Variants in SLC26A9 observed in about 807,000 individuals in gnomAD.
SLC26A9 encodes anion transporter/exchanger protein 9.
In SLC26A9, 46 loss-of-function variants were observed where a neutral mutation model predicts 87.1. The ratio of observed to expected loss-of-function variants is 0.53; its 90% CI spans 0.42 to 0.67. SLC26A9 has a LOEUF of 0.67. Among genes scored for constraint, SLC26A9 ranks in the 30% least tolerant of loss-of-function variants. SLC26A9 has a pLI of 0.00. For synonymous variants in SLC26A9, 437 were observed against 409.1 expected (o/e 1.07, Z -0.82); for missense variants, 927 against 1,018.3 (o/e 0.91, Z 1.22).
Position 205,923,627 on chromosome 1 carries a change from G to A in SLC26A9, c.1497-14C>T, listed in dbSNP as rs771337508. 1.4e-5 allele frequency: 23 copies of A among 1,614,032 alleles called. No homozygotes were observed. Among genetic ancestry groups the A allele is most frequent in the Non-Finnish European group, 5.9e-6 (7 of 1,180,032 alleles). On this transcript the variant is annotated splice_polypyrimidine_tract_variant and intron_variant, in intron 13 of 20. Transcript: ENST00000367135. ...TAGCCATTTCGACTGGATGAAGCAG[G>A]AAGAGAAAAACATAAGAGAATGCTA...
chr1:205,923,324 C>G lies in SLC26A9; in HGVS notation c.1659+11G>C, dbSNP rs1317068978. On this transcript the variant is annotated intron_variant, in intron 15 of 20. Coordinates refer to ENST00000367135, the MANE Select transcript of SLC26A9 (RefSeq NM_052934.4). ...GTCCAGAGCCTCTGGTCGCCAGGGA[C>G]TGAGCCTTACCTTGGCGATGACCTT... The G allele has an allele frequency of 2.5e-6, 4 of 1,614,018 alleles. No homozygotes were observed. The Admixed American group carries it at 6.7e-5, about 27-fold the overall frequency.
intron 13 of SLC26A9, 43 bp from the exon 14 acceptor site, chr1:205,923,656 G>T: frequency 1.2e-6 from 2 of 1,611,728 alleles, no homozygotes; most frequent in Non-Finnish European, 1.7e-6. Context: ...AATGCTAATG[G>T]CACATGGGCC....
In SLC26A9 at chr1:205,941,391, C is replaced by T. The variant is rs376073311; in HGVS notation, c.-19+1974G>A. Among the ~76,000 whole-genome samples the T allele has an allele frequency of 7.5e-4, 114 of 152,170 alleles. 2 individuals are homozygous for T. In the South Asian group the frequency reaches 0.018, roughly 24 times the overall value. ...TTCGCCATGTTGGCCAGCCTGGTCT[C>T]GAACTCCTGACCTCAAGTGATCTGC... On this transcript the variant is annotated intron_variant, in intron 1 of 20. Transcript: ENST00000367135.
At chr1:205,921,193 C>G (rs6674855) in intron 17 of SLC26A9, among the ~76,000 whole-genome samples, 4 of 152,140 alleles carry the variant, frequency 2.6e-5, no homozygotes, top group African/African-American at 7.2e-5. Context: ...CTAGGGTGGC[C>G]GGTGAATGAG....
At position 205,932,943 on chromosome 1, in the gene SLC26A9, A is replaced by C; in HGVS notation, c.265+2T>G. The C allele has an allele frequency of 1.2e-6, 2 of 1,613,898 alleles. No individual in the cohort carries two copies. Among genetic ancestry groups the C allele is most frequent in the Non-Finnish European group, 1.7e-6 (2 of 1,179,908 alleles). ...CAGGCCTGGCTGAAGGAGCCCCTTC[A>C]CCTTGTGGGACCTGGATGGATCCCC... is the stretch of plus-strand genomic sequence containing the variant. On this transcript the variant is annotated splice_donor_variant, in intron 3 of 20. Transcript: ENST00000367135. LOFTEE classifies it high-confidence loss of function.
At chr1:205,936,846 C>T (rs1343377122) in intron 1 of SLC26A9, among the ~76,000 whole-genome samples, 1 of 152,108 alleles carries the variant, frequency 6.6e-6, no homozygotes, top group East Asian at 1.9e-4. Context: ...CCCCAACTTC[C>T]CAGAGGAGAG....
chr1:205,937,730 A>G (rs930186970), intron 1 of SLC26A9, among the ~76,000 whole-genome samples: 1 of 152,144 alleles, frequency 6.6e-6, no homozygotes, highest in Admixed American at 6.5e-5. Flanking sequence ...CACCTGCTCC[A>G]GAGTCTGCAT....
intron 20 of SLC26A9, 96 bp downstream of exon 20, chr1:205,917,187 G>A: frequency 8.3e-7 from 1 of 1,208,936 alleles, no homozygotes; most frequent in Non-Finnish European, 1.2e-6. Flanking sequence ...TGGGCTGGAG[G>A]TGAGACAGCT....
chr1:205,923,347 C>A lies in SLC26A9; in HGVS notation c.1647G>T (p.Lys549Asn). The change falls in exon 15 of 21, where the codon AAG (lysine) becomes AAT (asparagine). Residue 549 changes from lysine to asparagine, a missense_variant. Lys to Asn is a moderately conservative substitution (Grantham distance 94, BLOSUM62 0). Coordinates refer to ENST00000367135, the MANE Select transcript of SLC26A9 (RefSeq NM_052934.4). ...GACTGAGCCTTACCTTGGCGATGAC[C>A]TTTTGCCTGAAGATCTCTGAGTTGG... ...YFANSEIFRQ[K>N]VIAKTGMDPQ... 1.9e-6 allele frequency: 3 copies of A among 1,614,172 alleles called. No homozygotes were observed. Among genetic ancestry groups the A allele is most frequent in the Non-Finnish European group, 1.7e-6 (2 of 1,180,022 alleles).
At position 205,924,309 on chromosome 1, in the gene SLC26A9, G is replaced by C. The variant is rs1406143989; in HGVS notation, c.1496+74C>G. On this transcript the variant is annotated intron_variant, in intron 13 of 20. Transcript: ENST00000367135. ...AAGGTACAGTGGACTAAGCCAGGCC[G>C]TGGCATGGAAGCCCTTTGCGGGCTG... The C allele has an allele frequency of 3.6e-6, 5 of 1,396,242 alleles. No individual in the cohort carries two copies. In the Admixed American group the frequency reaches 5.1e-5, roughly 14 times the overall value. The allele number at this position is 1,396,242 out of a possible 1,614,324, so 86.5% of individuals were successfully genotyped here.
At chr1:205,921,899 AC>A (rs1462474807) in intron 16 of SLC26A9, 52 bp from the exon 17 acceptor site, 2 of 1,565,578 alleles carry the variant, frequency 1.3e-6, no homozygotes, top group African/African-American at 1.3e-5. Context: ...ACTGAGCCAG[AC>A]CTTGCTGTGA....
In SLC26A9 at chr1:205,927,508, G is replaced by A. The variant is rs1216885724; in HGVS notation, c.1199C>T (p.Ala400Val). The change falls in exon 10 of 21, where the codon GCT becomes GTT. Residue 400 changes from alanine (A) to valine (V), a missense_variant. Coordinates refer to ENST00000367135, the MANE Select transcript of SLC26A9 (RefSeq NM_052934.4). ...AAGGCTCACCTGGGATTTTCCTCCA[G>A]CTCCATCCACAGCCAGAGTGACAGA... ...ALSVTLAVDG[A>V]GGKSQVASLC... 1 of 1,614,008 alleles carries A rather than the reference G, an allele frequency of 6.2e-7. No individual in the cohort carries two copies. Among genetic ancestry groups the A allele is most frequent in the South Asian group, 1.1e-5 (1 of 91,054 alleles).
chr1:205,934,960 G>A lies in SLC26A9; in HGVS notation c.125+736C>T, dbSNP rs374933534. On this transcript the variant is annotated intron_variant, in intron 2 of 20. Transcript: ENST00000367135. ...GCCAGTGACCTCAATCCAGGTAACT[G>A]AATCAGCCGTTTCCCCAAGGGAGTG... Among the ~76,000 whole-genome samples the A allele has an allele frequency of 7.2e-5, 11 of 152,344 alleles. No individual in the cohort carries two copies. In the East Asian group the frequency reaches 1.9e-3, roughly 27 times the overall value.
chr1:205,932,779 G>T lies in SLC26A9; in HGVS notation c.299C>A (p.Ala100Glu). The T allele has an allele frequency of 6.2e-7, 1 of 1,600,468 alleles. No homozygotes were observed. The highest frequency in any genetic ancestry group is 2.2e-5 in the East Asian group (1 of 44,832). Reference sequence around the variant, plus strand: ...GAAGGAGGAGTAGAGGCCATTGACTGCAGGAAGGTTGGCCAGCAGAGCAAA... The same window carrying T: ...GAAGGAGGAGTAGAGGCCATTGACTTCAGGAAGGTTGGCCAGCAGAGCAAA... ...MAFALLANLPAVNGLYSSFFP... is the reference protein window; with the variant it reads ...MAFALLANLPEVNGLYSSFFP... Residue 100 changes from alanine to glutamate, a missense_variant, in exon 4 of 21, where the codon GCA (alanine) becomes GAA (glutamate). Coordinates refer to ENST00000367135, the MANE Select transcript of SLC26A9 (RefSeq NM_052934.4).
intron 1 of SLC26A9, among the ~76,000 whole-genome samples, chr1:205,941,283 C>G (rs748474326): frequency 1.1e-4 from 17 of 152,162 alleles, no homozygotes; most frequent in Non-Finnish European, 1.9e-4. Flanking sequence ...ATTCTCCTGC[C>G]TCAGCCTCCC....
At chr1:205,943,062 C>T (rs560742237) in intron 1 of SLC26A9, among the ~76,000 whole-genome samples, 44 of 152,368 alleles carry the variant, frequency 2.9e-4, no homozygotes, top group Admixed American at 2.7e-3. Context: ...TCCTTTCCCT[C>T]GGAGGCCTTT....
chr1:205,915,516 A>C, intron 20 of SLC26A9, 112 bp from the exon 21 acceptor site: 2 of 1,200,594 alleles, frequency 1.7e-6, no homozygotes, highest in Non-Finnish European at 2.3e-6. Context: ...AGAACAAAGC[A>C]CCTGTGTGTG....
In SLC26A9 at chr1:205,913,347, C is replaced by G. The variant is rs1339108434; in HGVS notation, c.*2010G>C. On this transcript the variant is annotated 3_prime_UTR_variant, in exon 21 of 21. Coordinates refer to ENST00000367135, the MANE Select transcript of SLC26A9 (RefSeq NM_052934.4). ...CTGCCTCATGTGTTTCCAATCTTAC[C>G]TCCACAGCGGGCTCTGCAACCCTCA... 2 of 152,548 alleles carry G rather than the reference C, an allele frequency of 1.3e-5. No homozygotes were observed. The highest frequency in any genetic ancestry group is 1.5e-5 in the Non-Finnish European group (1 of 68,050). The allele number at this position is 152,548 out of a possible 1,614,324, so 9.4% of individuals were successfully genotyped here.
chr1:205,928,762 C>T (rs1026356097), intron 8 of SLC26A9, 65 bp downstream of exon 8: 18 of 1,482,872 alleles, frequency 1.2e-5, no homozygotes, highest in South Asian at 4.6e-5. Context: ...TCTCCCTCTC[C>T]GAGCTCAGGC....
Sources: allele counts gnomAD v4.1 joint callset (sites outside exome capture counted in the v4.1 genomes callset), GRCh38; gene constraint gnomAD v4.1.1; transcripts MANE v1.5; gene names NCBI Gene and HGNC (gene_info 2026-07-23, HGNC 2026-07-21).